Variants in CYP26B1 observed in about 807,000 individuals in gnomAD.
CYP26B1 encodes the protein cytochrome P450 family 26 subfamily B member 1, also known as cytochrome P450 26B1.
CYP26B1 carries 8 observed loss-of-function variants against 39.1 expected under a neutral mutation model. The observed-to-expected ratio is 0.20, with a 90% CI of 0.12 to 0.37. CYP26B1 has a LOEUF of 0.37. Ranked by LOEUF, CYP26B1 falls within the 10% of genes least tolerant of loss-of-function variation. The pLI, the probability that CYP26B1 is intolerant of heterozygous loss-of-function variation, is 1.00. For missense variants in CYP26B1, 615 were observed against 707.0 expected, an observed-to-expected ratio of 0.87 and a Z score of 1.48; for synonymous variants, 321 against 314.3, an observed-to-expected ratio of 1.02 and a Z score of -0.23.
At chr2:72,139,734 C>T (rs142911153) in intron 2 of CYP26B1, among the ~76,000 whole-genome samples, 2,482 of 152,350 alleles carry the variant, frequency 0.016, 25 homozygotes, top group Non-Finnish European at 0.025. Context: ...ACAAACCCGC[C>T]TTAGAAAGCT....
At chr2:72,136,180 C>T (rs994483571) in intron 2 of CYP26B1, among the ~76,000 whole-genome samples, 2 of 152,134 alleles carry the variant, frequency 1.3e-5, no homozygotes, top group Non-Finnish European at 2.9e-5. Flanking sequence ...CTGTGGGTCT[C>T]GCTCATAAGC....
rs2104047694 is a variant in CYP26B1, at chr2:72,134,740, AG to A, written c.861+20del. 2 of 1,607,360 alleles carry A rather than the reference AG, an allele frequency of 1.2e-6. No homozygotes were observed. Among genetic ancestry groups the A allele is most frequent in the Non-Finnish European group, 1.7e-6 (2 of 1,176,742 alleles). ...AGCCTGGGTGCTGGTGCTGCCCGTG[AG>A]GGGCACACGCCCACCCCACCTTCAG... On this transcript the variant is annotated intron_variant, in intron 4 of 5. Transcript: ENST00000001146.
At chr2:72,142,139 C>T (rs1676960978) in intron 2 of CYP26B1, among the ~76,000 whole-genome samples, 2 of 147,206 alleles carry the variant, frequency 1.4e-5, no homozygotes, top group African/African-American at 5.0e-5. Context: ...ACCCTCCCTT[C>T]CTTCTCCCTC....
At chr2:72,145,962 G>T (rs1455193789) in intron 1 of CYP26B1, among the ~76,000 whole-genome samples, 1 of 152,160 alleles carries the variant, frequency 6.6e-6, no homozygotes, top group Non-Finnish European at 1.5e-5. Context: ...AAAAAATAAC[G>T]CTGGGATTCA....
At chr2:72,135,060 T>C in intron 3 of CYP26B1, 84 bp downstream of exon 3, 1 of 1,604,804 alleles carries the variant, frequency 6.2e-7, no homozygotes, top group Non-Finnish European at 8.5e-7. Flanking sequence ...GGTGCCCATC[T>C]CAGGGGTCAG....
intron 2 of CYP26B1, among the ~76,000 whole-genome samples, chr2:72,140,828 G>A (rs1422737543): frequency 6.6e-6 from 1 of 152,184 alleles, no homozygotes; most frequent in Admixed American, 6.5e-5. Flanking sequence ...GGTCCTGTAG[G>A]CAGGGGTCTG....
In CYP26B1 at chr2:72,131,482, G is replaced by A. The variant is rs1168156554; in HGVS notation, c.*745C>T. 2.0e-5 allele frequency: 3 copies of A among 152,548 alleles called. No homozygotes were observed. Among genetic ancestry groups the A allele is most frequent in the African/African-American group, 7.3e-5 (3 of 41,360 alleles). The allele number at this position is 152,548 out of a possible 1,614,324, so 9.4% of individuals were successfully genotyped here. ...ATAAATATGGGGGCGGGCAGCACAT[G>A]AGCCGCGGGCCTTAGGCGGCTGTGT... On this transcript the variant is annotated 3_prime_UTR_variant, in exon 6 of 6. Coordinates refer to ENST00000001146, the MANE Select transcript of CYP26B1 (RefSeq NM_019885.4).
At chr2:72,142,504 GC>G (rs1676971684) in intron 2 of CYP26B1, among the ~76,000 whole-genome samples, 2 of 152,264 alleles carry the variant, frequency 1.3e-5, no homozygotes, top group South Asian at 4.1e-4. Context: ...TCATTCAACC[GC>G]TCTACGCCTC....
At chr2:72,144,472 G>C in intron 1 of CYP26B1, 10 of 1,289,136 alleles carry the variant, frequency 7.8e-6, no homozygotes, top group Non-Finnish European at 9.8e-6. Context: ...AATGACTTTC[G>C]AGAGGAAAGA....
chr2:72,146,293 A>T (rs1677121345), intron 1 of CYP26B1, among the ~76,000 whole-genome samples: 1 of 142,008 alleles, frequency 7.0e-6, no homozygotes. Flanking sequence ...CCCAAAGCCT[A>T]GAGCACCGCT....
At chr2:72,138,653 C>G (rs992530349) in intron 2 of CYP26B1, among the ~76,000 whole-genome samples, 41 of 152,286 alleles carry the variant, frequency 2.7e-4, no homozygotes, top group African/African-American at 9.6e-4. Flanking sequence ...GACTCCCCAC[C>G]ACGGCTGGTG....
rs1676537631 is a variant in CYP26B1 at position 72,130,596 on chromosome 2, A to G, written c.*1631T>C. ...CTTCTGTGTTTTCGATTTTCTTGTAAAGGGGATTCATTGCTTTTACAACAT... is the reference window on the plus strand; with the variant it reads ...CTTCTGTGTTTTCGATTTTCTTGTAGAGGGGATTCATTGCTTTTACAACAT... On this transcript the variant is annotated 3_prime_UTR_variant, in exon 6 of 6. Transcript: ENST00000001146. 6.6e-6 allele frequency: 1 copy of G among 152,148 alleles called. No homozygotes were observed. The highest frequency in any genetic ancestry group is 2.4e-5 in the African/African-American group (1 of 41,408). The allele number at this position is 152,148 out of a possible 1,614,324, so 9.4% of individuals were successfully genotyped here. A position where few individuals can be genotyped will look rare whatever the true frequency, so the allele number is the denominator to read the frequency against.
rs1676519729 is a variant in CYP26B1, at chr2:72,130,147, T to C, written c.*2080A>G. Reference sequence around the variant, plus strand: ...AAGTTCCACTTACTGCTCTCCTAGATACTCAGTCAAAAACAATTGGTTCAG... The same window carrying C: ...AAGTTCCACTTACTGCTCTCCTAGACACTCAGTCAAAAACAATTGGTTCAG... On this transcript the variant is annotated 3_prime_UTR_variant, in exon 6 of 6. Transcript: ENST00000001146. 6.6e-6 allele frequency: 1 copy of C among 152,104 alleles called. No homozygotes were observed. Among genetic ancestry groups the C allele is most frequent in the Admixed American group, 6.5e-5 (1 of 15,276 alleles). 9.4% of individuals were successfully genotyped at this position (152,104 alleles called of 1,614,324 possible).
At chr2:72,144,285 C>G in intron 1 of CYP26B1, 72 bp from the exon 2 acceptor site, 2 of 1,547,380 alleles carry the variant, frequency 1.3e-6, no homozygotes, top group Non-Finnish European at 1.7e-6. Flanking sequence ...GGGCGGCGGA[C>G]CCCAACCCGG....
At chr2:72,138,255 C>CG (rs1676834906) in intron 2 of CYP26B1, among the ~76,000 whole-genome samples, 1 of 152,132 alleles carries the variant, frequency 6.6e-6, no homozygotes, top group African/African-American at 2.4e-5. Context: ...GGTCTGTGCC[C>CG]GGGGGGTAAC....
chr2:72,134,430 G>A (rs1487355629), intron 4 of CYP26B1, among the ~76,000 whole-genome samples: 1 of 152,170 alleles, frequency 6.6e-6, no homozygotes, highest in Non-Finnish European at 1.5e-5. Context: ...TGAGGCTGGT[G>A]ACAAGCAAGT....
chr2:72,147,585 C>T lies in CYP26B1; in HGVS notation c.204+46G>A, dbSNP rs1238513315. On this transcript the variant is annotated intron_variant, in intron 1 of 5. Coordinates refer to ENST00000001146, the MANE Select transcript of CYP26B1 (RefSeq NM_019885.4). The surrounding 1 kb of genome is among the most constrained non-coding windows in gnomAD (Gnocchi z 6.1). ...CCCGCCGCTCCGTCTGCCCCGCGCT[C>T]GCAGCTAGCGGACCCCGGAGTGCAG... The T allele has an allele frequency of 6.4e-7, 1 of 1,555,686 alleles. No individual in the cohort carries two copies. The highest frequency in any genetic ancestry group is 1.2e-5 in the South Asian group (1 of 84,368).
Position 72,147,773 on chromosome 2 carries a change from G to T in CYP26B1, c.62C>A (p.Ser21Tyr). ...CGACACGGCCAGCAGCAGCGTCACGGACACCAGGCACGCGGCGAGGGTGGC... is the reference window on the plus strand; with the variant it reads ...CGACACGGCCAGCAGCAGCGTCACGTACACCAGGCACGCGGCGAGGGTGGC... ...ALATLAACLVSVTLLLAVSQQ... is the reference protein window; with the variant it reads ...ALATLAACLVYVTLLLAVSQQ... Residue 21 changes from serine (S) to tyrosine (Y), a missense_variant, in exon 1 of 6, where the codon TCC (serine) becomes TAC (tyrosine). Transcript: ENST00000001146. The surrounding 1 kb of genome is among the most constrained non-coding windows in gnomAD (Gnocchi z 6.1). 1 of 1,577,602 alleles carries T rather than the reference G, an allele frequency of 6.3e-7. No homozygotes were observed.
chr2:72,144,059 C>T lies in CYP26B1; in HGVS notation c.359G>A (p.Ser120Asn). Residue 120 changes from serine to asparagine, a missense_variant, in exon 2 of 6, where the codon AGC becomes AAC. Coordinates refer to ENST00000001146, the MANE Select transcript of CYP26B1 (RefSeq NM_019885.4). ...GTTGGGGCCCAGCAACATGCGGGTG[C>T]TGCGAGGCCACTCGGTGCTCACGAG... Reference protein sequence around the residue: ...HHLVSTEWPRSTRMLLGPNTV... With the variant: ...HHLVSTEWPRNTRMLLGPNTV... The T allele has an allele frequency of 6.2e-7, 1 of 1,613,822 alleles. No homozygotes were observed. Among genetic ancestry groups the T allele is most frequent in the Non-Finnish European group, 8.5e-7 (1 of 1,179,976 alleles).
Sources: gnomAD v4.1 joint callset for allele counts (sites outside exome capture counted in the v4.1 genomes callset) on GRCh38, gnomAD v4.1.1 for gene constraint, Gnocchi (gnomAD v3.1) non-coding constraint, MANE v1.5 for transcripts, NCBI Gene and HGNC (gene_info 2026-07-23, HGNC 2026-07-21) for gene names.